GPC6: variants seen among roughly 807,000 people sequenced by gnomAD.
GPC6 encodes glypican-6.
In GPC6, 14 loss-of-function variants were observed where a neutral mutation model predicts 55.2. That is an observed-to-expected ratio of 0.25 (90% CI 0.17 to 0.40). The LOEUF is 0.40. Among genes scored for constraint, GPC6 ranks in the 10% least tolerant of loss-of-function variants. GPC6 has a pLI of 1.00. For missense variants in GPC6, 641 were observed against 708.5 expected (o/e 0.90, Z 1.08); for synonymous variants, 278 against 259.6 (o/e 1.07, Z -0.68).
At chr13:94,237,447 A>G (rs960357763) in intron 4 of GPC6, among the ~76,000 whole-genome samples, 3 of 152,142 alleles carry the variant, frequency 2.0e-5, no homozygotes, top group Admixed American at 1.3e-4. Context: ...AAATAAACAG[A>G]TAAATAATTA....
At chr13:93,303,065 G>C (rs1178726748) in intron 1 of GPC6, among the ~76,000 whole-genome samples, 1 of 152,110 alleles carries the variant, frequency 6.6e-6, no homozygotes, top group Non-Finnish European at 1.5e-5. Context: ...ACCAAAGAAG[G>C]CAACTGTATA....
chr13:93,366,530 T>G (rs950800816), intron 1 of GPC6, among the ~76,000 whole-genome samples: 11 of 152,100 alleles, frequency 7.2e-5, no homozygotes, highest in African/African-American at 2.7e-4. Context: ...TTTAAATTTC[T>G]AAAATGAGCC....
intron 1 of GPC6, among the ~76,000 whole-genome samples, chr13:93,327,723 C>T (rs1434908595): frequency 2.0e-5 from 3 of 151,774 alleles, no homozygotes; most frequent in Non-Finnish European, 4.4e-5. Context: ...ATGTAGACAG[C>T]ATTCTTAGTG....
intron 4 of GPC6, among the ~76,000 whole-genome samples, chr13:94,064,364 T>G (rs1412603383): frequency 1.3e-5 from 2 of 152,186 alleles, no homozygotes; most frequent in Non-Finnish European, 2.9e-5. Context: ...CCATCCCATT[T>G]TCATTTCAAC....
chr13:93,411,956 T>A (rs1876511190), intron 1 of GPC6, among the ~76,000 whole-genome samples: 1 of 150,622 alleles, frequency 6.6e-6, no homozygotes, highest in Admixed American at 6.7e-5. Context: ...TGAGCCAAGA[T>A]CATGCCACTT....
At chr13:93,386,909 C>T (rs953193908) in intron 1 of GPC6, among the ~76,000 whole-genome samples, 1 of 152,154 alleles carries the variant, frequency 6.6e-6, no homozygotes, top group Non-Finnish European at 1.5e-5. Context: ...TTCACACAAC[C>T]TCCTTCCGTG....
At chr13:93,949,515 T>C (rs565925891) in intron 3 of GPC6, among the ~76,000 whole-genome samples, 1 of 152,298 alleles carries the variant, frequency 6.6e-6, no homozygotes, top group East Asian at 1.9e-4. Flanking sequence ...ATATTATACA[T>C]GAGAACAGAT....
Position 93,228,225 on chromosome 13 carries a change from A to G in GPC6, c.160+609A>G, listed in dbSNP as rs564624256. On this transcript the variant is annotated intron_variant, in intron 1 of 8. Transcript: ENST00000377047. ...CCTGGCCTCTGGACGCCGGCGTTTC[A>G]AGGCTGGTTTGGGGACTTCACGGGC... Among the ~76,000 whole-genome samples the G allele has an allele frequency of 2.7e-4, 41 of 152,152 alleles. No homozygotes were observed. The South Asian group carries it at 8.3e-3, about 31-fold the overall frequency.
chr13:93,981,796 A>G (rs1220453439), intron 3 of GPC6, among the ~76,000 whole-genome samples: 2 of 152,154 alleles, frequency 1.3e-5, no homozygotes, highest in Non-Finnish European at 2.9e-5. Context: ...GTTGTCAGTC[A>G]TCTCCTTTGG....
intron 4 of GPC6, among the ~76,000 whole-genome samples, chr13:94,161,384 A>G (rs574817547): frequency 1.2e-4 from 19 of 152,312 alleles, no homozygotes; most frequent in African/African-American, 4.6e-4. Context: ...GTAGATTGGC[A>G]TATGTCCTTG....
intron 4 of GPC6, among the ~76,000 whole-genome samples, chr13:94,101,482 C>G (rs1368813092): frequency 6.6e-6 from 1 of 152,144 alleles, no homozygotes; most frequent in Non-Finnish European, 1.5e-5. Context: ...CAGTAGAGTG[C>G]AGTTTAGCAC....
intron 1 of GPC6, among the ~76,000 whole-genome samples, chr13:93,379,860 G>T (rs996269213): frequency 6.6e-6 from 1 of 151,430 alleles, no homozygotes; most frequent in Non-Finnish European, 1.5e-5. Context: ...AAACAAAAAG[G>T]TGCTATCGTC....
At position 93,738,936 on chromosome 13, in the gene GPC6, TACACACAC is replaced by T. The variant is rs56928879; in HGVS notation, c.320-91189_320-91182del. On this transcript the variant is annotated intron_variant, in intron 2 of 8. Coordinates refer to ENST00000377047, the MANE Select transcript of GPC6 (RefSeq NM_005708.5). ...TTTAAATTCCAAGTGCACTTGGTTT[TACACACAC>T]ACACACACACACACACACACACACA... 5.3e-3 allele frequency among the ~76,000 whole-genome samples: 774 copies of T among 145,566 alleles called. 10 individuals carry two copies. Among genetic ancestry groups the T allele is most frequent in the East Asian group, 0.043 (213 of 4,968 alleles).
At chr13:93,954,351 G>T (rs924548383) in intron 3 of GPC6, among the ~76,000 whole-genome samples, 2 of 152,050 alleles carry the variant, frequency 1.3e-5, no homozygotes, top group South Asian at 4.2e-4. Flanking sequence ...GGTCTCATCT[G>T]TTATGCAGGC....
chr13:93,416,591 A>G (rs1247778421), intron 1 of GPC6, among the ~76,000 whole-genome samples: 1 of 152,136 alleles, frequency 6.6e-6, no homozygotes, highest in Non-Finnish European at 1.5e-5. Context: ...CAATTAAATT[A>G]TTATTGGCTA....
chr13:94,124,321 C>T (rs917170274), intron 4 of GPC6, among the ~76,000 whole-genome samples: 2 of 152,050 alleles, frequency 1.3e-5, no homozygotes, highest in African/African-American at 4.8e-5. Context: ...TCATTGGGCT[C>T]ATTTATTCAT....
Position 94,081,407 on chromosome 13 carries a change from A to G in GPC6, c.877+53513A>G, listed in dbSNP as rs1482036640. Among the ~76,000 whole-genome samples, 5 of 152,200 alleles carry G rather than the reference A, an allele frequency of 3.3e-5. 1 individual carries two copies. In the South Asian group the frequency reaches 1.0e-3, roughly 32 times the overall value. On this transcript the variant is annotated intron_variant, in intron 4 of 8. Transcript: ENST00000377047. Reference sequence around the variant, plus strand: ...CATGAACACTGAAATTCCCATATTTAATGTCTCTCTTTACCACAAAGGAGT... The same window carrying G: ...CATGAACACTGAAATTCCCATATTTGATGTCTCTCTTTACCACAAAGGAGT...
chr13:93,227,610 A>C lies in GPC6; in HGVS notation c.154A>C (p.Ile52Leu). Residue 52 changes from isoleucine (I) to leucine (L), a missense_variant, in exon 1 of 9, where the codon ATC becomes CTC. Ile to Leu is a conservative substitution (Grantham distance 5). Coordinates refer to ENST00000377047, the MANE Select transcript of GPC6 (RefSeq NM_005708.5). The surrounding 1 kb of genome is among the most constrained non-coding windows in gnomAD (Gnocchi z 4.3). Reference sequence around the variant, plus strand: ...CCTGGCGGACATCCCCTACCAGGAGATCGCAGGTAAGCGCGGGCGCGCTGC... The same window carrying C: ...CCTGGCGGACATCCCCTACCAGGAGCTCGCAGGTAAGCGCGGGCGCGCTGC... The part of the protein sequence containing the change: ...FSLADIPYQE[I>L]AGEHLRICPQ... 1 of 1,603,438 alleles carries C rather than the reference A, an allele frequency of 6.2e-7. No individual in the cohort carries two copies. Among genetic ancestry groups the C allele is most frequent in the Non-Finnish European group, 8.5e-7 (1 of 1,177,080 alleles).
At chr13:93,606,233 T>C (rs946272008) in intron 2 of GPC6, among the ~76,000 whole-genome samples, 5 of 152,196 alleles carry the variant, frequency 3.3e-5, no homozygotes, top group Admixed American at 3.3e-4. Context: ...ATGGACTCCA[T>C]TTGAATCTAG....
Sources: gnomAD v4.1 joint callset for allele counts (sites outside exome capture counted in the v4.1 genomes callset) on GRCh38, gnomAD v4.1.1 for gene constraint, Gnocchi (gnomAD v3.1) non-coding constraint, MANE v1.5 for transcripts, NCBI Gene and HGNC (gene_info 2026-07-23, HGNC 2026-07-21) for gene names.